Variants in TPTE observed in about 807,000 individuals in gnomAD.
TPTE encodes transmembrane phosphatase with tensin homology, also known as putative tyrosine-protein phosphatase TPTE.
A neutral mutation model predicts 84.1 loss-of-function variants in TPTE; 59 were observed. The observed-to-expected ratio is 0.70, with a 90% CI of 0.57 to 0.87. The LOEUF (loss-of-function observed/expected upper bound fraction) is 0.87. TPTE is among the 40% of genes least tolerant of loss of function. The pLI, the probability that TPTE is intolerant of heterozygous loss-of-function variation, is 0.00. For synonymous variants in TPTE, 130 were observed against 223.5 expected (o/e 0.58, Z 3.73); for missense variants, 382 against 659.6 (o/e 0.58, Z 4.61).
chr21:10,596,830 T>A (rs1282053445), intron 20 of TPTE, among the ~76,000 whole-genome samples: 60 of 152,258 alleles, frequency 3.9e-4, no homozygotes, highest in Admixed American at 3.9e-3. Context: ...GCCTTCTGAG[T>A]TTAGTTCTAC....
At chr21:10,581,989 C>T (rs867624530) in intron 17 of TPTE, among the ~76,000 whole-genome samples, 657 of 150,422 alleles carry the variant, frequency 4.4e-3, no homozygotes, top group African/African-American at 0.014. Flanking sequence ...CCCACCTCAG[C>T]TTCCCAAAGT....
At chr21:10,526,227 C>T (rs1474005647) in intron 2 of TPTE, among the ~76,000 whole-genome samples, 87 of 152,398 alleles carry the variant, frequency 5.7e-4, no homozygotes, top group African/African-American at 2.0e-3. Flanking sequence ...CCACTTAGAA[C>T]TTGAAAGGTT....
intron 4 of TPTE, among the ~76,000 whole-genome samples, chr21:10,539,618 A>G (rs1211652555): frequency 2.6e-5 from 4 of 152,306 alleles, no homozygotes; most frequent in South Asian, 2.1e-4. Flanking sequence ...ATGTGCTGCA[A>G]TCATATAAAG....
chr21:10,547,840 A>G (rs986634139), intron 7 of TPTE, among the ~76,000 whole-genome samples: 8 of 152,306 alleles, frequency 5.3e-5, no homozygotes, highest in Non-Finnish European at 1.2e-4. Context: ...ACACTTCCAG[A>G]CAGAGGAATA....
At chr21:10,588,756 T>C (rs1324269030) in intron 17 of TPTE, among the ~76,000 whole-genome samples, 1 of 152,424 alleles carries the variant, frequency 6.6e-6, no homozygotes, top group East Asian at 1.9e-4. Flanking sequence ...AAAAGACCAG[T>C]CTTCAAGCTC....
At chr21:10,581,134 CT>C (rs1156678352) in intron 17 of TPTE, among the ~76,000 whole-genome samples, 69 of 152,306 alleles carry the variant, frequency 4.5e-4, no homozygotes, top group Non-Finnish European at 8.4e-4. Flanking sequence ...CTGTGTTTAG[CT>C]GTATATTAGT....
At chr21:10,605,063 CAT>C (rs1327927479) in intron 23 of TPTE, among the ~76,000 whole-genome samples, 4 of 152,304 alleles carry the variant, frequency 2.6e-5, no homozygotes, top group Non-Finnish European at 4.4e-5. Flanking sequence ...CAACCTCACA[CAT>C]AAATTAAAAG....
chr21:10,525,399 A>T lies in TPTE; in HGVS notation c.-102+711A>T, dbSNP rs536481084. Among the ~76,000 whole-genome samples, 22 of 152,410 alleles carry T rather than the reference A, an allele frequency of 1.4e-4. No homozygotes were observed. The East Asian group carries it at 4.2e-3, about 29-fold the overall frequency. ...TCCTCATATGGTCCTATCTCCAGGA[A>T]CGTTTAGGAAGATTTTGGCCTCTGA... is the stretch of plus-strand genomic sequence containing the variant. On this transcript the variant is annotated intron_variant, in intron 2 of 23. Transcript: ENST00000618007.
chr21:10,522,979 T>G (rs2074010044), intron 1 of TPTE, among the ~76,000 whole-genome samples: 2 of 152,428 alleles, frequency 1.3e-5, no homozygotes, highest in Middle Eastern at 3.4e-3. Context: ...CAATGAGTTA[T>G]GCCCCCAAGT....
intron 17 of TPTE, among the ~76,000 whole-genome samples, chr21:10,588,281 G>A (rs2075402754): frequency 6.6e-6 from 1 of 152,280 alleles, no homozygotes; most frequent in Non-Finnish European, 1.5e-5. Flanking sequence ...TGTGGTTTCT[G>A]TTTAATTCTG....
intron 8 of TPTE, among the ~76,000 whole-genome samples, chr21:10,557,036 T>G (rs1207054294): frequency 2.0e-5 from 3 of 152,312 alleles, no homozygotes; most frequent in Non-Finnish European, 4.4e-5. Context: ...ATGCAGAAGC[T>G]CTTTAGTTTA....
chr21:10,588,871 T>G, intron 17 of TPTE, among the ~76,000 whole-genome samples: 1 of 152,306 alleles, frequency 6.6e-6, no homozygotes, highest in Middle Eastern at 3.2e-3. Flanking sequence ...GATTGATTTC[T>G]TATTAAGATG....
At chr21:10,542,899 G>GT (rs1159444497) in intron 6 of TPTE, among the ~76,000 whole-genome samples, 3 of 152,190 alleles carry the variant, frequency 2.0e-5, no homozygotes, top group Non-Finnish European at 4.4e-5. Flanking sequence ...CTACTAAGCA[G>GT]TTTTTTTATG....
In TPTE at chr21:10,605,479, C is replaced by T; in HGVS notation, c.1583C>T (p.Pro528Leu). The change falls in exon 24 of 24, where the codon CCA becomes CTA. Residue 528 changes from proline to leucine, a missense_variant. Pro to Leu is a moderately conservative substitution (Grantham distance 98). Transcript: ENST00000618007. Reference sequence around the variant, plus strand: ...AAACAAAAAGCACGGAGAATTTATCCATCAGATTTTGCCGTGGAGATACTT... The same window carrying T: ...AAACAAAAAGCACGGAGAATTTATCTATCAGATTTTGCCGTGGAGATACTT... ...LHKQKARRIY[P>L]SDFAVEILFG... is the part of the protein sequence containing the mutation. The T allele has an allele frequency of 1.9e-6, 3 of 1,614,230 alleles. No individual in the cohort carries two copies. The highest frequency in any genetic ancestry group is 2.5e-6 in the Non-Finnish European group (3 of 1,180,022).
At chr21:10,590,172 A>T (rs1481216133) in intron 17 of TPTE, among the ~76,000 whole-genome samples, 1 of 152,312 alleles carries the variant, frequency 6.6e-6, no homozygotes, top group Non-Finnish European at 1.5e-5. Context: ...AAAATCATAA[A>T]ATACATGAAT....
At chr21:10,545,661 A>G (rs1244466190) in intron 7 of TPTE, among the ~76,000 whole-genome samples, 3 of 152,006 alleles carry the variant, frequency 2.0e-5, no homozygotes, top group Non-Finnish European at 2.9e-5. Context: ...CATATAACAC[A>G]CATGTATATG....
intron 7 of TPTE, among the ~76,000 whole-genome samples, chr21:10,549,598 A>T (rs1161283402): frequency 9.2e-5 from 14 of 152,418 alleles, no homozygotes; most frequent in African/African-American, 3.4e-4. Flanking sequence ...AGCAGAAGAA[A>T]TAATTTCTGA....
At chr21:10,563,333 A>G (rs1234098027) in intron 10 of TPTE, among the ~76,000 whole-genome samples, 2 of 152,302 alleles carry the variant, frequency 1.3e-5, no homozygotes, top group East Asian at 3.8e-4. Context: ...CACTGGTAAT[A>G]GTAGGTATAC....
chr21:10,534,250 C>T (rs2074229512), intron 3 of TPTE, among the ~76,000 whole-genome samples: 1 of 152,308 alleles, frequency 6.6e-6, no homozygotes, highest in Non-Finnish European at 1.5e-5. Context: ...TGGTTTGTAA[C>T]CTGGGCTTTG....
Sources: gnomAD v4.1 joint callset for allele counts (sites outside exome capture counted in the v4.1 genomes callset) on GRCh38, gnomAD v4.1.1 for gene constraint, MANE v1.5 for transcripts, NCBI Gene and HGNC (gene_info 2026-07-23, HGNC 2026-07-21) for gene names.